The following KCNIP4 variants were observed in gnomAD, a reference collection of about 807,000 sequenced individuals.
KCNIP4 encodes Kv channel-interacting protein 4.
A neutral mutation model predicts 34.0 loss-of-function variants in KCNIP4; 12 were observed. The observed-to-expected ratio is 0.35, with a 90% CI of 0.23 to 0.57. The LOEUF (loss-of-function observed/expected upper bound fraction) is 0.57, where lower values mean the gene tolerates loss of function less well. KCNIP4 is among the 20% of genes least tolerant of loss of function. KCNIP4 has a pLI of 0.83. For synonymous variants in KCNIP4, 124 were observed against 102.2 expected, an observed-to-expected ratio of 1.21 and a Z score of -1.29; for missense variants, 238 against 311.7, an observed-to-expected ratio of 0.76 and a Z score of 1.78.
At chr4:21,031,114 G>A (rs983761552) in intron 1 of KCNIP4, among the ~76,000 whole-genome samples, 6 of 152,112 alleles carry the variant, frequency 3.9e-5, no homozygotes, top group African/African-American at 1.4e-4. Flanking sequence ...AAAAGACTAC[G>A]CCTCCCATGA....
chr4:21,729,490 AT>A (rs1422502948), intron 1 of KCNIP4, among the ~76,000 whole-genome samples: 1 of 152,182 alleles, frequency 6.6e-6, no homozygotes, highest in Non-Finnish European at 1.5e-5. Context: ...TGTGACGAGA[AT>A]TTCACCATGT....
chr4:21,320,713 G>A (rs1259358652), intron 1 of KCNIP4, among the ~76,000 whole-genome samples: 1 of 152,050 alleles, frequency 6.6e-6, no homozygotes. Flanking sequence ...GCTCATGCCT[G>A]TAATCTCAGC....
At chr4:21,429,506 T>A (rs1164820184) in intron 1 of KCNIP4, among the ~76,000 whole-genome samples, 2 of 151,924 alleles carry the variant, frequency 1.3e-5, no homozygotes, top group African/African-American at 4.8e-5. Flanking sequence ...GGCAAAGGAG[T>A]GTGATTGATG....
intron 1 of KCNIP4, among the ~76,000 whole-genome samples, chr4:21,402,877 A>T (rs895010454): frequency 4.6e-5 from 7 of 152,126 alleles, no homozygotes; most frequent in Admixed American, 1.3e-4. Flanking sequence ...TTTTTAAAAA[A>T]AACAAAAGAC....
chr4:20,994,865 T>A (rs1277540311), intron 1 of KCNIP4, among the ~76,000 whole-genome samples: 1 of 152,156 alleles, frequency 6.6e-6, no homozygotes, highest in Non-Finnish European at 1.5e-5. Context: ...GAGAAAGCCA[T>A]AGAGCATGAC....
chr4:21,231,736 A>T (rs1428390119), intron 1 of KCNIP4, among the ~76,000 whole-genome samples: 2 of 152,162 alleles, frequency 1.3e-5, no homozygotes, highest in Non-Finnish European at 2.9e-5. Context: ...ACATCACTGT[A>T]GCATTCATTT....
intron 1 of KCNIP4, among the ~76,000 whole-genome samples, chr4:21,785,767 A>G (rs1404780091): frequency 6.6e-6 from 1 of 152,198 alleles, no homozygotes; most frequent in East Asian, 1.9e-4. Flanking sequence ...CACTTAGCAC[A>G]CATTTCATAA....
At chr4:21,938,829 T>C (rs548752973) in intron 1 of KCNIP4, among the ~76,000 whole-genome samples, 71 of 152,296 alleles carry the variant, frequency 4.7e-4, no homozygotes, top group African/African-American at 1.7e-3. Flanking sequence ...AAGGAAGATA[T>C]GATTTAAATG....
chr4:21,412,841 A>C (rs978319494), intron 1 of KCNIP4, among the ~76,000 whole-genome samples: 2 of 152,170 alleles, frequency 1.3e-5, no homozygotes, highest in Admixed American at 1.3e-4. Flanking sequence ...TATTCCCTGG[A>C]AAACTGCATC....
Position 20,851,614 on chromosome 4 carries a change from C to A in KCNIP4, c.164-947G>T, listed in dbSNP as rs1042311699. Among the ~76,000 whole-genome samples the A allele has an allele frequency of 3.1e-5, 4 of 130,320 alleles. No individual in the cohort carries two copies. The Admixed American group carries it at 3.4e-4, about 11-fold the overall frequency. The allele number at this position is 130,320 out of a possible 152,430, so 85.5% of individuals were successfully genotyped here. On this transcript the variant is annotated intron_variant, in intron 2 of 8. Transcript: ENST00000382152. ...GGTCTTTGAGGAATCACCACACTACCTTCCACAATGGTTGAACTAATTCAC... is the reference window on the plus strand; with the variant it reads ...GGTCTTTGAGGAATCACCACACTACATTCCACAATGGTTGAACTAATTCAC...
intron 1 of KCNIP4, among the ~76,000 whole-genome samples, chr4:21,934,741 T>C (rs1729753971): frequency 6.6e-6 from 1 of 151,912 alleles, no homozygotes; most frequent in Non-Finnish European, 1.5e-5. Context: ...GAAATAAGAG[T>C]TCAGAGTATA....
chr4:21,695,627 A>T (rs1712226779), intron 1 of KCNIP4, among the ~76,000 whole-genome samples: 1 of 152,110 alleles, frequency 6.6e-6, no homozygotes, highest in Admixed American at 6.5e-5. Flanking sequence ...CAGTTTCCCA[A>T]CCACTTACCA....
chr4:21,241,843 G>A (rs1046687050), intron 1 of KCNIP4, among the ~76,000 whole-genome samples: 1 of 152,082 alleles, frequency 6.6e-6, no homozygotes, highest in African/African-American at 2.4e-5. Flanking sequence ...ACTGCAGTAT[G>A]CTCGTCTATA....
chr4:21,113,583 G>A (rs551873997), intron 1 of KCNIP4, among the ~76,000 whole-genome samples: 7 of 151,656 alleles, frequency 4.6e-5, no homozygotes, highest in Non-Finnish European at 1.0e-4. Context: ...TTGGTCTGCT[G>A]TTGGGGGAGA....
At chr4:21,425,947 G>A (rs562487583) in intron 1 of KCNIP4, among the ~76,000 whole-genome samples, 3 of 152,062 alleles carry the variant, frequency 2.0e-5, no homozygotes, top group South Asian at 4.1e-4. Context: ...CCAGGTACTC[G>A]AGAGGCTGAG....
intron 1 of KCNIP4, among the ~76,000 whole-genome samples, chr4:20,967,513 T>A (rs2149671190): frequency 6.6e-6 from 1 of 152,328 alleles, no homozygotes. Context: ...GGCATCATGC[T>A]ACCTGACTTC....
chr4:21,591,147 C>T (rs1423057008), intron 1 of KCNIP4, among the ~76,000 whole-genome samples: 3 of 151,870 alleles, frequency 2.0e-5, no homozygotes, highest in Non-Finnish European at 4.4e-5. Flanking sequence ...TGAAGGATTA[C>T]TCAGAGAATC....
chr4:20,967,081 G>C (rs931538690), intron 1 of KCNIP4, among the ~76,000 whole-genome samples: 2 of 152,118 alleles, frequency 1.3e-5, no homozygotes, highest in Non-Finnish European at 2.9e-5. Flanking sequence ...CTAAGTTCTA[G>C]TATTAAGTCA....
At chr4:21,519,863 T>TTA (rs150962147) in intron 1 of KCNIP4, among the ~76,000 whole-genome samples, 1 of 146,238 alleles carries the variant, frequency 6.8e-6, no homozygotes, top group Non-Finnish European at 1.5e-5. Flanking sequence ...ATATATTTAT[T>TTA]TATATATATA....
Sources: gnomAD v4.1 joint callset for allele counts (sites outside exome capture counted in the v4.1 genomes callset) on GRCh38, gnomAD v4.1.1 for gene constraint, MANE v1.5 for transcripts, NCBI Gene and HGNC (gene_info 2026-07-23, HGNC 2026-07-21) for gene names.